Variants in ROBO2 observed in about 807,000 individuals in gnomAD.
ROBO2 encodes the protein roundabout homolog 2.
Under a neutral mutation model 160.8 loss-of-function variants are expected in ROBO2, and 53 were observed. The observed-to-expected ratio is 0.33, with a 90% CI of 0.26 to 0.41. The LOEUF (loss-of-function observed/expected upper bound fraction) is 0.41. Among genes scored for constraint, ROBO2 ranks in the 10% least tolerant of loss-of-function variants. The pLI is 1.00. For synonymous variants in ROBO2, 664 were observed against 611.7 expected (o/e 1.09, Z -1.26); for missense variants, 1,577 against 1,722.4 (o/e 0.92, Z 1.49).
intron 2 of ROBO2, among the ~76,000 whole-genome samples, chr3:77,000,762 T>TG (rs1284347018): frequency 6.6e-6 from 1 of 152,086 alleles, no homozygotes; most frequent in Admixed American, 6.6e-5. Flanking sequence ...GAAAGTGGAA[T>TG]GGGGGTAGAA....
At chr3:76,140,601 G>A (rs1182692247) in intron 2 of ROBO2, among the ~76,000 whole-genome samples, 1 of 151,824 alleles carries the variant, frequency 6.6e-6, no homozygotes, top group Non-Finnish European at 1.5e-5. Flanking sequence ...CCTGTCAGTA[G>A]TAATTACCTG....
At chr3:77,476,860 G>A (rs1008218989) in intron 2 of ROBO2, among the ~76,000 whole-genome samples, 1 of 152,150 alleles carries the variant, frequency 6.6e-6, no homozygotes, top group Non-Finnish European at 1.5e-5. Context: ...GTAGCCCTGC[G>A]TATGTGGGTG....
chr3:77,098,175 A>G, exon 2 of ROBO2: 1 of 1,614,160 alleles, frequency 6.2e-7, no homozygotes, highest in Non-Finnish European at 8.5e-7. Context: ...GGAGACTGAC[A>G]AGGACGATCC....
Position 77,546,301 on chromosome 3 carries a change from T to A in ROBO2, c.935-37T>A, listed in dbSNP as rs142643426. On this transcript the variant is annotated intron_variant, in intron 6 of 25. Transcript: ENST00000461745. ...TTGACATATTTTTATTTGTCTATGG[T>A]TGATATTTACACGCTTTCTTTTCTT... 5 of 1,610,088 alleles carry A rather than the reference T, an allele frequency of 3.1e-6. No individual in the cohort carries two copies. In the East Asian group the frequency reaches 1.1e-4, roughly 36 times the overall value.
chr3:76,812,886 A>C (rs2065314794), intron 2 of ROBO2, among the ~76,000 whole-genome samples: 2 of 149,248 alleles, frequency 1.3e-5, no homozygotes, highest in African/African-American at 4.9e-5. Context: ...CTACAATAAA[A>C]GTGTCCTGGC....
intron 2 of ROBO2, among the ~76,000 whole-genome samples, chr3:76,256,351 C>CA (rs1559690080): frequency 0.074 from 6,132 of 82,490 alleles, 189 homozygotes; most frequent in Non-Finnish European, 0.12. Flanking sequence ...CTCTCTCTCT[C>CA]TCACATACAC....
chr3:77,112,006 G>A (rs1057120956), intron 2 of ROBO2, among the ~76,000 whole-genome samples: 12 of 151,816 alleles, frequency 7.9e-5, no homozygotes, highest in Admixed American at 2.0e-4. Flanking sequence ...GAGCCCAGGC[G>A]TTCAAGACCA....
In ROBO2 at chr3:77,634,732, G is replaced by T; in HGVS notation, c.3761-138G>T. ...AATGTAGAAAATACATTTTTCTACA[G>T]AGATGCACCAATATTTGGTATCTTC... On this transcript the variant is annotated intron_variant, in intron 23 of 25. Coordinates refer to ENST00000461745, the Ensembl canonical transcript of ROBO2. The T allele has an allele frequency of 3.5e-6, 3 of 852,170 alleles. No homozygotes were observed. The Admixed American group carries it at 5.6e-5, about 16-fold the overall frequency. The allele number at this position is 852,170 out of a possible 1,614,324, so 52.8% of individuals were successfully genotyped here. A position where few individuals can be genotyped will look rare whatever the true frequency, so the allele number is the denominator to read the frequency against.
intron 2 of ROBO2, among the ~76,000 whole-genome samples, chr3:76,029,945 T>A (rs995900030): frequency 6.6e-6 from 1 of 152,130 alleles, no homozygotes; most frequent in South Asian, 2.1e-4. Flanking sequence ...CACCACACTG[T>A]CTTCCACAAT....
At chr3:76,219,293 A>G (rs1703789193) in intron 2 of ROBO2, among the ~76,000 whole-genome samples, 1 of 152,248 alleles carries the variant, frequency 6.6e-6, no homozygotes, top group Non-Finnish European at 1.5e-5. Context: ...AAACACCAAA[A>G]GCAATGGCAA....
intron 2 of ROBO2, among the ~76,000 whole-genome samples, chr3:77,215,156 A>T (rs1233278351): frequency 6.6e-6 from 1 of 152,148 alleles, no homozygotes; most frequent in Non-Finnish European, 1.5e-5. Flanking sequence ...GTTCTCCTGG[A>T]TAATATCCTG....
intron 2 of ROBO2, among the ~76,000 whole-genome samples, chr3:77,134,593 A>AC (rs1440533741): frequency 6.6e-6 from 1 of 152,154 alleles, no homozygotes; most frequent in Non-Finnish European, 1.5e-5. Flanking sequence ...TTATAAACCA[A>AC]CAGCTCTGCC....
At chr3:76,990,510 C>T (rs1419751610) in intron 2 of ROBO2, among the ~76,000 whole-genome samples, 1 of 152,140 alleles carries the variant, frequency 6.6e-6, no homozygotes, top group East Asian at 1.9e-4. Flanking sequence ...ATTCACATTA[C>T]TGAATAACAG....
chr3:77,105,467 C>G (rs2072667069), intron 2 of ROBO2, among the ~76,000 whole-genome samples: 1 of 152,048 alleles, frequency 6.6e-6, no homozygotes. Flanking sequence ...CTCCCTAGCT[C>G]CAGGTACTTC....
chr3:76,624,796 C>CAAAAAAAAA lies in ROBO2; in HGVS notation c.110-473188_110-473180dup, dbSNP rs57920315. ...TGAGTGACAGAGTGAGACTCCGTCT[C>CAAAAAAAAA]AAAAAAAAAAAAAAAAAAAAAAAAA... On this transcript the variant is annotated intron_variant, in intron 2 of 26. Transcript: ENST00000487694. 1.3e-3 allele frequency among the ~76,000 whole-genome samples: 59 copies of CAAAAAAAAA among 46,324 alleles called. 7 individuals are homozygous for CAAAAAAAAA. The highest frequency in any genetic ancestry group is 1.6e-3 in the Admixed American group (4 of 2,536). 30.4% of individuals were successfully genotyped at this position (46,324 alleles called of 152,430 possible). A position where few individuals can be genotyped will look rare whatever the true frequency, so the allele number is the denominator to read the frequency against.
At chr3:76,470,468 C>T (rs2078596456) in intron 2 of ROBO2, among the ~76,000 whole-genome samples, 1 of 152,066 alleles carries the variant, frequency 6.6e-6, no homozygotes. Flanking sequence ...TCACACATGA[C>T]TCACTGCTGT....
intron 2 of ROBO2, among the ~76,000 whole-genome samples, chr3:76,250,465 G>A (rs1173916988): frequency 6.6e-6 from 1 of 152,028 alleles, no homozygotes; most frequent in Non-Finnish European, 1.5e-5. Context: ...ATATTTTAGG[G>A]AAGTGTTGTC....
chr3:76,175,482 C>T (rs553097426), intron 2 of ROBO2, among the ~76,000 whole-genome samples: 64 of 152,032 alleles, frequency 4.2e-4, no homozygotes, highest in Non-Finnish European at 6.9e-4. Flanking sequence ...AAATTTATAA[C>T]GCATTTTCTC....
chr3:76,042,423 A>C (rs946699006), intron 2 of ROBO2, among the ~76,000 whole-genome samples: 1 of 152,062 alleles, frequency 6.6e-6, no homozygotes, highest in South Asian at 2.1e-4. Context: ...TTTAAAGACT[A>C]TGTGACACTT....
Sources: allele counts gnomAD v4.1 joint callset (sites outside exome capture counted in the v4.1 genomes callset), GRCh38; gene constraint gnomAD v4.1.1; transcripts MANE v1.5; gene names NCBI Gene and HGNC (gene_info 2026-07-23, HGNC 2026-07-21).